The following KIAA1328 variants were observed in gnomAD, a reference collection of about 807,000 sequenced individuals.
KIAA1328 encodes the protein protein hinderin.
KIAA1328 carries 52 observed loss-of-function variants against 68.1 expected under a neutral mutation model. That is an observed-to-expected ratio of 0.76 (90% CI 0.61 to 0.96). KIAA1328 has a LOEUF of 0.96. Ranked by LOEUF, KIAA1328 falls within the 40% of genes least tolerant of loss-of-function variation. The pLI is 0.00. For synonymous variants in KIAA1328, 232 were observed against 239.4 expected, an observed-to-expected ratio of 0.97 and a Z score of 0.28; for missense variants, 641 against 677.6, an observed-to-expected ratio of 0.95 and a Z score of 0.60.
chr18:37,055,217 A>G (rs1453891371), intron 6 of KIAA1328, among the ~76,000 whole-genome samples: 1 of 152,180 alleles, frequency 6.6e-6, no homozygotes, highest in Non-Finnish European at 1.5e-5. Context: ...ATTGATATCT[A>G]TATGTTAAAT....
At chr18:36,884,786 G>C (rs888698357) in intron 4 of KIAA1328, among the ~76,000 whole-genome samples, 4 of 152,164 alleles carry the variant, frequency 2.6e-5, no homozygotes, top group Non-Finnish European at 5.9e-5. Context: ...AATGAAAATA[G>C]GATTGTCCCA....
intron 6 of KIAA1328, among the ~76,000 whole-genome samples, chr18:37,026,593 C>T (rs1240849191): frequency 6.6e-6 from 1 of 152,118 alleles, no homozygotes; most frequent in Non-Finnish European, 1.5e-5. Context: ...AAATGTAATC[C>T]ATTGTATAAA....
chr18:37,177,457 A>G (rs1165120869), intron 9 of KIAA1328, among the ~76,000 whole-genome samples: 2 of 152,130 alleles, frequency 1.3e-5, no homozygotes, highest in Non-Finnish European at 2.9e-5. Context: ...GACTTCTACA[A>G]ACAGTTACAG....
At chr18:37,168,002 G>A (rs1354339911) in intron 8 of KIAA1328, among the ~76,000 whole-genome samples, 5 of 152,108 alleles carry the variant, frequency 3.3e-5, no homozygotes, top group Non-Finnish European at 7.3e-5. Context: ...ACAGCATATT[G>A]AAAGGATTAT....
At chr18:37,130,422 A>T (rs1260407473) in intron 7 of KIAA1328, among the ~76,000 whole-genome samples, 1 of 152,174 alleles carries the variant, frequency 6.6e-6, no homozygotes, top group Non-Finnish European at 1.5e-5. Flanking sequence ...GATCAAGACC[A>T]TGCTGGCCAA....
At chr18:36,945,290 C>A (rs1296628216) in intron 5 of KIAA1328, among the ~76,000 whole-genome samples, 3 of 152,110 alleles carry the variant, frequency 2.0e-5, no homozygotes, top group Admixed American at 6.5e-5. Flanking sequence ...GCTGAACAGT[C>A]CACATAAGCT....
chr18:36,933,675 T>C (rs2050395088), intron 5 of KIAA1328, among the ~76,000 whole-genome samples: 1 of 152,188 alleles, frequency 6.6e-6, no homozygotes, highest in African/African-American at 2.4e-5. Context: ...CACCAGCTGT[T>C]CTAGGGGATC....
intron 6 of KIAA1328, among the ~76,000 whole-genome samples, chr18:37,036,943 A>G (rs1490431119): frequency 6.6e-6 from 1 of 152,214 alleles, no homozygotes; most frequent in African/African-American, 2.4e-5. Context: ...GTTATACCTC[A>G]CAATGATATA....
At chr18:37,151,057 A>G (rs1205974450) in intron 7 of KIAA1328, among the ~76,000 whole-genome samples, 1 of 152,210 alleles carries the variant, frequency 6.6e-6, no homozygotes, top group East Asian at 1.9e-4. Context: ...AGGAAGCTAC[A>G]GAGACAAGTA....
intron 7 of KIAA1328, among the ~76,000 whole-genome samples, chr18:37,148,884 A>T (rs2058966013): frequency 6.6e-6 from 1 of 152,028 alleles, no homozygotes. Context: ...TGTCAGATGG[A>T]TAGATTGCAA....
chr18:37,137,562 A>T (rs1224284710), intron 7 of KIAA1328, among the ~76,000 whole-genome samples: 2 of 152,006 alleles, frequency 1.3e-5, no homozygotes, highest in African/African-American at 4.8e-5. Flanking sequence ...TTTAATCCTC[A>T]TCTTACTTGA....
At chr18:37,114,367 G>A (rs1008020947) in intron 7 of KIAA1328, among the ~76,000 whole-genome samples, 7 of 152,146 alleles carry the variant, frequency 4.6e-5, no homozygotes, top group African/African-American at 9.7e-5. Flanking sequence ...ATTCAAAACC[G>A]CTCAACTACA....
chr18:37,027,959 C>G (rs2054657847), intron 6 of KIAA1328, among the ~76,000 whole-genome samples: 2 of 152,170 alleles, frequency 1.3e-5, no homozygotes, highest in Middle Eastern at 3.2e-3. Flanking sequence ...GCAATCTACT[C>G]ATCTGACAAA....
chr18:37,036,417 A>C (rs936115911), intron 6 of KIAA1328, among the ~76,000 whole-genome samples: 1 of 152,232 alleles, frequency 6.6e-6, no homozygotes, highest in African/African-American at 2.4e-5. Context: ...AATGCTGTCT[A>C]TCTTTATTGA....
At position 36,904,346 on chromosome 18, in the gene KIAA1328, A is replaced by G. The variant is rs562204740; in HGVS notation, c.448+18674A>G. Among the ~76,000 whole-genome samples the G allele has an allele frequency of 2.6e-5, 4 of 152,192 alleles. No individual in the cohort carries two copies. The South Asian group carries it at 6.2e-4, about 24-fold the overall frequency. On this transcript the variant is annotated intron_variant, in intron 5 of 9. Transcript: ENST00000280020. ...GGGTATTAATATCTCTGAGTGTAAT[A>G]TATTTGTGGATTTATCTATTTCTCT... is the stretch of plus-strand genomic sequence containing the variant.
At chr18:36,967,832 C>T (rs895128864) in intron 6 of KIAA1328, among the ~76,000 whole-genome samples, 1 of 152,000 alleles carries the variant, frequency 6.6e-6, no homozygotes. Context: ...GCAACTCACT[C>T]TTATCATGGG....
chr18:36,909,718 C>T (rs1365006860), intron 5 of KIAA1328, among the ~76,000 whole-genome samples: 1 of 152,130 alleles, frequency 6.6e-6, no homozygotes, highest in African/African-American at 2.4e-5. Flanking sequence ...ACACTGTGTT[C>T]CACAATGGTT....
chr18:36,858,402 A>G (rs1407472902), intron 4 of KIAA1328, among the ~76,000 whole-genome samples: 2 of 152,142 alleles, frequency 1.3e-5, no homozygotes, highest in Admixed American at 1.3e-4. Context: ...CTTACAGATG[A>G]GTAACAGATA....
chr18:36,838,607 T>C (rs534105029), intron 3 of KIAA1328, among the ~76,000 whole-genome samples: 15 of 152,250 alleles, frequency 9.9e-5, no homozygotes, highest in Non-Finnish European at 2.1e-4. Flanking sequence ...CTGGCTTGTA[T>C]TGTTTTTAAG....
Sources: allele counts gnomAD v4.1 joint callset (sites outside exome capture counted in the v4.1 genomes callset), GRCh38; gene constraint gnomAD v4.1.1; transcripts MANE v1.5; gene names NCBI Gene and HGNC (gene_info 2026-07-23, HGNC 2026-07-21).